The following CCDC33 variants were observed in gnomAD, a reference collection of about 807,000 sequenced individuals.
CCDC33 encodes the protein coiled-coil domain-containing protein 33.
Under a neutral mutation model 91.9 loss-of-function variants are expected in CCDC33, and 94 were observed. The observed-to-expected ratio is 1.02, with a 90% CI of 0.87 to 1.21. The LOEUF is 1.21. Among genes scored for constraint, CCDC33 ranks in the 50% most tolerant of loss-of-function variants. The probability of loss-of-function intolerance (pLI) is 0.00; values close to 1 mark genes in which losing one functional copy is unlikely to be tolerated. For missense variants in CCDC33, 940 were observed against 935.5 expected (o/e 1.00, Z -0.06); for synonymous variants, 396 against 374.5 (o/e 1.06, Z -0.66).
At chr15:74,336,260 G>T, downstream of CCDC33, 1 of 1,421,140 alleles carries the variant, frequency 7.0e-7, no homozygotes, top group East Asian at 2.9e-5. Flanking sequence ...GCCTGCCCCA[G>T]GAGCCAGCAT....
intron 10 of CCDC33, among the ~76,000 whole-genome samples, chr15:74,292,428 G>C (rs2059602231): frequency 6.6e-6 from 1 of 152,210 alleles, no homozygotes; most frequent in South Asian, 2.1e-4. Flanking sequence ...AAGCTGTGGA[G>C]TCTGGAGAGG....
At chr15:74,315,853 G>A (rs1027301615) in intron 11 of CCDC33, among the ~76,000 whole-genome samples, 17 of 152,164 alleles carry the variant, frequency 1.1e-4, no homozygotes, top group Non-Finnish European at 1.6e-4. Flanking sequence ...TGTGGAGGGG[G>A]AGGGGGACAG....
chr15:74,224,498 A>G (rs1398772143), intron 2 of CCDC33, among the ~76,000 whole-genome samples: 2 of 152,096 alleles, frequency 1.3e-5, no homozygotes, highest in East Asian at 1.9e-4. Context: ...GGGTCCTAAC[A>G]GGGTCTGTGC....
Position 74,336,141 on chromosome 15 carries a change from A to G in CCDC33, c.*88A>G. The G allele has an allele frequency of 6.4e-7, 1 of 1,551,066 alleles. No homozygotes were observed. Among genetic ancestry groups the G allele is most frequent in the South Asian group, 1.2e-5 (1 of 84,676 alleles). On this transcript the variant is annotated 3_prime_UTR_variant, in exon 19 of 19. Coordinates refer to ENST00000398814, the MANE Select transcript of CCDC33 (RefSeq NM_025055.5). ...CGTTATTAAATGTTGTAGCTCTGTGAGCATTTTCCTCTTTCCTGGAGCAGG... is the reference window on the plus strand; with the variant it reads ...CGTTATTAAATGTTGTAGCTCTGTGGGCATTTTCCTCTTTCCTGGAGCAGG...
intron 16 of CCDC33, chr15:74,333,337 GC>G (rs1374152242): frequency 2.6e-6 from 4 of 1,546,404 alleles, no homozygotes; most frequent in Non-Finnish European, 3.5e-6. Flanking sequence ...GTGGCCCAGG[GC>G]CCAGAAATGC....
rs567908840 is a variant in CCDC33, at chr15:74,266,814, G to A, written c.429+27G>A. 4.8e-5 allele frequency: 75 copies of A among 1,556,864 alleles called. 1 individual carries two copies. The South Asian group carries it at 6.5e-4, about 13-fold the overall frequency. ...TGAGTCAGAGGCCTGGGGAAGTGCC[G>A]GGAGAGCAGGTGGGAACCACCTTGA... On this transcript the variant is annotated intron_variant, in intron 4 of 18. Transcript: ENST00000398814.
intron 2 of CCDC33, chr15:74,209,542 C>A: frequency 9.0e-7 from 1 of 1,113,272 alleles, no homozygotes; most frequent in South Asian, 1.5e-5. Flanking sequence ...CAGGTATGAT[C>A]TATTCCCAGG....
At chr15:74,312,651 G>A (rs892596476) in intron 11 of CCDC33, among the ~76,000 whole-genome samples, 3 of 152,158 alleles carry the variant, frequency 2.0e-5, no homozygotes, top group Non-Finnish European at 4.4e-5. Context: ...GTCCTTATCA[G>A]GAGTGTGTGC....
rs374795153 is a variant in CCDC33 at position 74,333,229 on chromosome 15, C to T, written c.1938+384C>T. On this transcript the variant is annotated intron_variant, in intron 16 of 18. Coordinates refer to ENST00000398814, the MANE Select transcript of CCDC33 (RefSeq NM_025055.5). ...GCCCTTTTCCATCCCAGGTGGACCC[C>T]GGGGAGTTGGGAGCAGGAGGAGACT... 6.5e-5 allele frequency: 103 copies of T among 1,592,840 alleles called. 1 individual carries two copies. Among genetic ancestry groups the T allele is most frequent in the Middle Eastern group, 3.3e-4 (2 of 6,054 alleles).
intron 15 of CCDC33, among the ~76,000 whole-genome samples, chr15:74,331,748 GGCCAGGCGCAATGGTTCAT>G (rs967320251): frequency 2.6e-5 from 4 of 152,166 alleles, no homozygotes; most frequent in Non-Finnish European, 4.4e-5. Flanking sequence ...AATGATCTGG[GGCCAGGCGCAATGGTTCAT>G]GCCTGTAATC....
At chr15:74,206,785 C>A (rs2074270625) in intron 1 of CCDC33, among the ~76,000 whole-genome samples, 1 of 152,166 alleles carries the variant, frequency 6.6e-6, no homozygotes, top group Non-Finnish European at 1.5e-5. Context: ...GAAGGGAAGT[C>A]TGAGAGACAA....
At chr15:74,327,680 GCT>G (rs1567038119) in intron 11 of CCDC33, among the ~76,000 whole-genome samples, 1 of 152,070 alleles carries the variant, frequency 6.6e-6, no homozygotes, top group Non-Finnish European at 1.5e-5. Context: ...CCCCAAAACA[GCT>G]GAGTTGGAGA....
rs746751133 is a variant in CCDC33, at chr15:74,333,914, C to T, written c.1972C>T (p.Leu658Phe). Residue 658 changes from leucine (L) to phenylalanine (F), a missense_variant, in exon 17 of 19, where the codon CTC (leucine) becomes TTC (phenylalanine). By Grantham distance (22) the Leu-to-Phe change is conservative. Coordinates refer to ENST00000398814, the MANE Select transcript of CCDC33 (RefSeq NM_025055.5). ...LLSGTSDKFN[L>F]LAKLEHAQSR... ...CTCTGGTACTTCAGACAAGTTCAAC[C>T]TCCTGGCCAAGCTGGAACACGCTCA... 3.9e-5 allele frequency: 63 copies of T among 1,613,688 alleles called. No individual in the cohort carries two copies. The highest frequency in any genetic ancestry group is 5.1e-5 in the Non-Finnish European group (60 of 1,179,782).
upstream of CCDC33, among the ~76,000 whole-genome samples, chr15:74,213,685 G>A (rs1194959982): frequency 6.6e-6 from 1 of 152,210 alleles, no homozygotes; most frequent in Admixed American, 6.5e-5. Flanking sequence ...GAGACTGGCT[G>A]CCATTCTTCC....
upstream of CCDC33, among the ~76,000 whole-genome samples, chr15:74,214,425 C>G (rs962369430): frequency 6.6e-6 from 1 of 152,148 alleles, no homozygotes; most frequent in Admixed American, 6.5e-5. Context: ...GCCCTGCCCC[C>G]CAGAGACAGT....
In CCDC33 at chr15:74,304,839, C is replaced by T. The variant is rs117427520; in HGVS notation, c.1290+8891C>T. 9.3e-3 allele frequency among the ~76,000 whole-genome samples: 1,417 copies of T among 152,324 alleles called. 16 individuals carry two copies. Among genetic ancestry groups the T allele is most frequent in the Middle Eastern group, 0.051 (15 of 294 alleles). On this transcript the variant is annotated intron_variant, in intron 11 of 18. Transcript: ENST00000398814. ...ACACTCCTCCAGCCTTGTCCCTCCC[C>T]ACCTGGCTAGGTAAATGTGCCCCAG...
intron 2 of CCDC33, among the ~76,000 whole-genome samples, chr15:74,222,518 TTTTTC>T (rs1371992119): frequency 3.3e-5 from 4 of 121,942 alleles, no homozygotes; most frequent in Admixed American, 1.1e-4. Flanking sequence ...GGTTGTTTTT[TTTTTC>T]TTTTTCTTTT....
chr15:74,252,734 G>A (rs1018915533), intron 2 of CCDC33, among the ~76,000 whole-genome samples: 8 of 152,298 alleles, frequency 5.3e-5, no homozygotes, highest in Admixed American at 4.6e-4. Flanking sequence ...AAAAGACAAG[G>A]GTGGGGAGCA....
rs2060087786 is a variant in CCDC33, at chr15:74,316,286, C to CG, written c.1291-13902dup. 6.6e-6 allele frequency among the ~76,000 whole-genome samples: 1 copy of CG among 152,200 alleles called. No individual in the cohort carries two copies. The highest frequency in any genetic ancestry group is 1.5e-5 in the Non-Finnish European group (1 of 68,030). ...ATGGGTCCCTGAGGGTCCGCTGGGG[C>CG]GCCCCTCCAGCCTCCCGCCAGAGCA... On this transcript the variant is annotated intron_variant, in intron 11 of 18. Coordinates refer to ENST00000398814, the MANE Select transcript of CCDC33 (RefSeq NM_025055.5). This position sits in a 1 kb window ranked among gnomAD's most constrained non-coding sequence, Gnocchi z 4.7.
Sources: allele counts gnomAD v4.1 joint callset (sites outside exome capture counted in the v4.1 genomes callset), GRCh38; gene constraint gnomAD v4.1.1; non-coding constraint Gnocchi (gnomAD v3.1); transcripts MANE v1.5; gene names NCBI Gene and HGNC (gene_info 2026-07-23, HGNC 2026-07-21).